MED8: variants seen among roughly 807,000 people sequenced by gnomAD.
MED8 encodes mediator complex subunit 8.
In MED8, 22 loss-of-function variants were observed where a neutral mutation model predicts 34.8. That is an observed-to-expected ratio of 0.63 (90% CI 0.45 to 0.90). The LOEUF is 0.90. Ranked by LOEUF, MED8 falls within the 40% of genes least tolerant of loss-of-function variation. The pLI is 0.00. For synonymous variants in MED8, 105 were observed against 120.2 expected (o/e 0.87, Z 0.83); for missense variants, 260 against 326.3 (o/e 0.80, Z 1.57).
chr1:43,387,495 C>T lies in MED8; in HGVS notation c.270+8G>A, dbSNP rs1253511483. 2.5e-6 allele frequency: 4 copies of T among 1,613,516 alleles called. No homozygotes were observed. In the East Asian group the frequency reaches 8.9e-5, roughly 36 times the overall value. On this transcript the variant is annotated splice_region_variant and intron_variant, in intron 3 of 6. Transcript: ENST00000372457. ...ATTTCCCAAGTTGTATTCTTTTTCT[C>T]CTCTTACCATGAGATCTTCATCTCG...
At chr1:43,387,443 T>C in intron 3 of MED8, 60 bp downstream of exon 3, 1 of 1,573,278 alleles carries the variant, frequency 6.4e-7, no homozygotes, top group Non-Finnish European at 8.6e-7. Flanking sequence ...TTTCCCTAAA[T>C]ACTAAAGAAG....
intron 6 of MED8, 149 bp from the exon 7 acceptor site, chr1:43,385,255 T>A: frequency 9.8e-7 from 1 of 1,021,902 alleles, no homozygotes; most frequent in Non-Finnish European, 1.4e-6. Flanking sequence ...GTCAGAAGTA[T>A]GATTCTTCAC....
At chr1:43,387,127 G>C in intron 3 of MED8, 129 bp from the exon 4 acceptor site, 1 of 1,244,702 alleles carries the variant, frequency 8.0e-7, no homozygotes, top group Non-Finnish European at 1.1e-6. Flanking sequence ...ATAATATCTA[G>C]TTTGCTAGGA....
Position 43,386,862 on chromosome 1 carries a change from G to C in MED8, c.407C>G (p.Ala136Gly), listed in dbSNP as rs1205224446. Residue 136 changes from alanine (A) to glycine (G), a missense_variant, in exon 4 of 7, where the codon GCC becomes GGC. By Grantham distance (60) the Ala-to-Gly change is moderately conservative. Transcript: ENST00000372457. The surrounding 1 kb of genome is among the most constrained non-coding windows in gnomAD (Gnocchi z 4.9). ...AAGGCAGTGACTCAGTCCAACCTGGGCTGCATCTGCACCAATGCGGGCAGC... is the reference window on the plus strand; with the variant it reads ...AAGGCAGTGACTCAGTCCAACCTGGCCTGCATCTGCACCAATGCGGGCAGC... The part of the protein sequence containing the change: ...TDAARIGADA[A>G]QKQIQSLNKM... 6.2e-7 allele frequency: 1 copy of C among 1,613,926 alleles called. No individual in the cohort carries two copies. The highest frequency in any genetic ancestry group is 1.1e-5 in the South Asian group (1 of 91,082).
At position 43,386,210 on chromosome 1, in the gene MED8, C is replaced by T. The variant is rs1465210510; in HGVS notation, c.510G>A (p.Lys170=). The T allele has an allele frequency of 6.2e-7, 1 of 1,613,524 alleles. No homozygotes were observed. The highest frequency in any genetic ancestry group is 8.5e-7 in the Non-Finnish European group (1 of 1,179,744). ...TAGTGTCTGTAGGGTTAAAGGTCTG[C>T]TTGTTCGGCCGGAGACCTGAAGAAA... ...ESESGGLRPN[K]QTFNPTDTNA... Residue 170 remains lysine (K), a synonymous_variant, in exon 6 of 7, where the codon AAG becomes AAA. Coordinates refer to ENST00000372457, the MANE Select transcript of MED8 (RefSeq NM_201542.5). The surrounding 1 kb of genome is among the most constrained non-coding windows in gnomAD (Gnocchi z 4.9).
chr1:43,388,095 T>C (rs1647806204), intron 2 of MED8, among the ~76,000 whole-genome samples: 1 of 152,234 alleles, frequency 6.6e-6, no homozygotes, highest in Admixed American at 6.5e-5. Flanking sequence ...AGGGTAAGAA[T>C]TGAAAGCTAG....
At chr1:43,385,373 G>A (rs529961933) in intron 6 of MED8, 121 of 430,264 alleles carry the variant, frequency 2.8e-4, no homozygotes, top group African/African-American at 1.9e-3. Context: ...CCCATTTAAC[G>A]TCACAGGTAA....
intron 6 of MED8, 179 bp downstream of exon 6, chr1:43,385,799 G>A: frequency 1.1e-6 from 1 of 897,592 alleles, no homozygotes; most frequent in Non-Finnish European, 1.7e-6. Flanking sequence ...ACTCTCTGGT[G>A]CCTGTTGCAG....
At chr1:43,387,691 G>C (rs201561232) in intron 2 of MED8, 44 bp from the exon 3 acceptor site, 1 of 1,607,752 alleles carries the variant, frequency 6.2e-7, no homozygotes, top group East Asian at 2.2e-5. Flanking sequence ...CCCCTTCCCT[G>C]GGTGGTTCTT....
At position 43,385,121 on chromosome 1, in the gene MED8, A is replaced by T. The variant is rs1259375429; in HGVS notation, c.743-15T>A. ...TGGCATTTTCCCTGAAAGGAACATTAAAAAAGTCATCTTAAGCAAGGTAAG... is the reference window on the plus strand; with the variant it reads ...TGGCATTTTCCCTGAAAGGAACATTTAAAAAGTCATCTTAAGCAAGGTAAG... On this transcript the variant is annotated splice_polypyrimidine_tract_variant and intron_variant, in intron 6 of 6. Transcript: ENST00000372457. The T allele has an allele frequency of 7.7e-6, 12 of 1,552,108 alleles. No individual in the cohort carries two copies. In the Admixed American group the frequency reaches 1.8e-4, roughly 23 times the overall value.
intron 3 of MED8, 126 bp from the exon 4 acceptor site, chr1:43,387,124 C>T: frequency 8.0e-7 from 1 of 1,251,446 alleles, no homozygotes; most frequent in Non-Finnish European, 1.1e-6. Context: ...GACATAATAT[C>T]TAGTTTGCTA....
chr1:43,387,494 T>C lies in MED8; in HGVS notation c.270+9A>G, dbSNP rs767218530. ...AATTTCCCAAGTTGTATTCTTTTTC[T>C]CCTCTTACCATGAGATCTTCATCTC... On this transcript the variant is annotated intron_variant, in intron 3 of 6. Coordinates refer to ENST00000372457, the MANE Select transcript of MED8 (RefSeq NM_201542.5). The C allele has an allele frequency of 8.1e-6, 13 of 1,613,644 alleles. No homozygotes were observed. The Admixed American group carries it at 1.3e-4, about 17-fold the overall frequency.
At position 43,387,565 on chromosome 1, in the gene MED8, G is replaced by C; in HGVS notation, c.208C>G (p.Leu70Val). The C allele has an allele frequency of 6.2e-7, 1 of 1,614,018 alleles. No individual in the cohort carries two copies. The highest frequency in any genetic ancestry group is 8.5e-7 in the Non-Finnish European group (1 of 1,179,886). The part of the protein sequence containing the change: ...NKVLKHEKTP[L>V]FRNQVIIPLV... ...GGAATGATGACCTGGTTACGGAACAGCGGTGTTTTTTCATGCTTCAAGACC... is the reference window on the plus strand; with the variant it reads ...GGAATGATGACCTGGTTACGGAACACCGGTGTTTTTTCATGCTTCAAGACC... Residue 70 changes from leucine (L) to valine (V), a missense_variant, in exon 3 of 7, where the codon CTG (leucine) becomes GTG (valine). Coordinates refer to ENST00000372457, the MANE Select transcript of MED8 (RefSeq NM_201542.5).
chr1:43,388,607 G>A (rs1446726701), intron 1 of MED8, 179 bp from the exon 2 acceptor site: 1 of 1,032,368 alleles, frequency 9.7e-7, no homozygotes, highest in East Asian at 2.7e-5. Context: ...CATCAACCCT[G>A]AGACCTTCCA....
Position 43,384,920 on chromosome 1 carries a change from T to C in MED8, c.*122A>G, listed in dbSNP as rs113518670. On this transcript the variant is annotated 3_prime_UTR_variant, in exon 7 of 7. Transcript: ENST00000372457. ...AGCTAGTCAGTGGTGGAAGTGGGAT[T>C]TGTCTGCTGCTGAAAGCCCATGTTC... 1 of 1,447,600 alleles carries C rather than the reference T, an allele frequency of 6.9e-7. No individual in the cohort carries two copies. Among genetic ancestry groups the C allele is most frequent in the Non-Finnish European group, 9.1e-7 (1 of 1,101,266 alleles). 89.7% of individuals were successfully genotyped at this position (1,447,600 alleles called of 1,614,324 possible).
Position 43,386,139 on chromosome 1 carries a change from C to G in MED8, c.581G>C (p.Trp194Ser). 1.2e-6 allele frequency: 2 copies of G among 1,614,064 alleles called. No individual in the cohort carries two copies. Among genetic ancestry groups the G allele is most frequent in the Non-Finnish European group, 1.7e-6 (2 of 1,179,900 alleles). ...AGGACCACTGCTGCCTGAAGGTCTC[C>G]AATTAGATAGTCCTTTCCCAAAGGC... is the stretch of plus-strand genomic sequence containing the variant. ...AVAFGKGLSN[W>S]RPSGSSGPGQ... Residue 194 changes from tryptophan (W) to serine (S), a missense_variant, in exon 6 of 7, where the codon TGG becomes TCG. Transcript: ENST00000372457. The surrounding 1 kb of genome is among the most constrained non-coding windows in gnomAD (Gnocchi z 4.9).
Position 43,386,198 on chromosome 1 carries a change from G to A in MED8, c.522C>T (p.Asn174=), listed in dbSNP as rs1329295169. 2 of 1,613,934 alleles carry A rather than the reference G, an allele frequency of 1.2e-6. No individual in the cohort carries two copies. The highest frequency in any genetic ancestry group is 1.7e-6 in the Non-Finnish European group (2 of 1,179,892). Residue 174 remains asparagine (N), a synonymous_variant, in exon 6 of 7, where the codon AAC becomes AAT. Transcript: ENST00000372457. This position sits in a 1 kb window ranked among gnomAD's most constrained non-coding sequence, Gnocchi z 4.9. ...GGLRPNKQTF[N]PTDTNALVAA... ...CCACCAAGGCATTAGTGTCTGTAGG[G>A]TTAAAGGTCTGCTTGTTCGGCCGGA...
intron 1 of MED8, 53 bp downstream of exon 1, chr1:43,389,706 G>A: frequency 1.9e-6 from 3 of 1,598,752 alleles, no homozygotes; most frequent in Non-Finnish European, 2.6e-6. Flanking sequence ...GCCCACTCTC[G>A]GTCCCTGTAC....
chr1:43,386,308 C>A lies in MED8; in HGVS notation c.494-82G>T. The A allele has an allele frequency of 6.6e-7, 1 of 1,520,780 alleles. No individual in the cohort carries two copies. The highest frequency in any genetic ancestry group is 8.8e-7 in the Non-Finnish European group (1 of 1,134,992). The allele number at this position is 1,520,780 out of a possible 1,614,324, so 94.2% of individuals were successfully genotyped here. ...GCAGCTGGAAGACCAGTATGAGTGC[C>A]AGGGTTTGGAGTTCTGAATTCAGCA... On this transcript the variant is annotated intron_variant, in intron 5 of 6. Coordinates refer to ENST00000372457, the MANE Select transcript of MED8 (RefSeq NM_201542.5). This position sits in a 1 kb window ranked among gnomAD's most constrained non-coding sequence, Gnocchi z 4.9.
Sources: gnomAD v4.1 joint callset for allele counts (sites outside exome capture counted in the v4.1 genomes callset) on GRCh38, gnomAD v4.1.1 for gene constraint, Gnocchi (gnomAD v3.1) non-coding constraint, MANE v1.5 for transcripts, NCBI Gene and HGNC (gene_info 2026-07-23, HGNC 2026-07-21) for gene names.